The following CDH13 variants were observed in gnomAD, a reference collection of about 807,000 sequenced individuals.
CDH13 encodes cadherin-13.
In CDH13, 24 loss-of-function variants were observed where a neutral mutation model predicts 63.8. The observed-to-expected ratio is 0.38, with a 90% confidence interval of 0.27 to 0.53. The LOEUF (loss-of-function observed/expected upper bound fraction) is 0.53, where lower values mean the gene tolerates loss of function less well. CDH13 is among the 20% of genes least tolerant of loss of function. The pLI is 0.85. For missense variants in CDH13, 1,049 were observed against 903.1 expected, an observed-to-expected ratio of 1.16 and a Z score of -2.07; for synonymous variants, 503 against 355.3, an observed-to-expected ratio of 1.42 and a Z score of -4.67.
chr16:83,117,591 C>T (rs1260718353), intron 3 of CDH13, among the ~76,000 whole-genome samples: 1 of 152,122 alleles, frequency 6.6e-6, no homozygotes, highest in Non-Finnish European at 1.5e-5. Flanking sequence ...TTCTTTTAGG[C>T]ACTGCACCAT....
At chr16:82,972,294 C>G (rs769508230) in intron 2 of CDH13, among the ~76,000 whole-genome samples, 173 of 152,110 alleles carry the variant, frequency 1.1e-3, no homozygotes, top group Non-Finnish European at 2.1e-3. Context: ...AGTGGAGAGT[C>G]TGGGTGTGAG....
intron 10 of CDH13, among the ~76,000 whole-genome samples, chr16:83,745,279 G>C (rs888181846): frequency 2.0e-5 from 3 of 152,222 alleles, no homozygotes; most frequent in Non-Finnish European, 2.9e-5. Flanking sequence ...TCCTTCTGCA[G>C]TTTGGGGGTC....
chr16:82,952,765 C>G (rs1327322951), intron 2 of CDH13, among the ~76,000 whole-genome samples: 12 of 152,230 alleles, frequency 7.9e-5, no homozygotes, highest in Admixed American at 2.6e-4. Flanking sequence ...ATTCTCTACT[C>G]TCTGGTGCCA....
intron 1 of CDH13, among the ~76,000 whole-genome samples, chr16:82,637,160 G>A (rs1017891478): frequency 4.6e-5 from 7 of 152,166 alleles, no homozygotes; most frequent in African/African-American, 1.7e-4. Flanking sequence ...ATTGGGCCCT[G>A]TAAAAATACT....
intron 7 of CDH13, among the ~76,000 whole-genome samples, chr16:83,572,208 G>GTGTT (rs1904702616): frequency 7.1e-6 from 1 of 140,342 alleles, no homozygotes; most frequent in African/African-American, 2.9e-5. Flanking sequence ...GTGTGTGTGT[G>GTGTT]TGAGTTTCAC....
At chr16:83,397,742 C>T (rs117595306) in intron 6 of CDH13, among the ~76,000 whole-genome samples, 1 of 152,178 alleles carries the variant, frequency 6.6e-6, no homozygotes. Context: ...ATCTCCTTGT[C>T]CTGTTTCTCC....
intron 7 of CDH13, among the ~76,000 whole-genome samples, chr16:83,545,590 G>A (rs905575035): frequency 6.6e-6 from 1 of 152,080 alleles, no homozygotes; most frequent in Non-Finnish European, 1.5e-5. Flanking sequence ...TTGTTGCAGT[G>A]ATGGAATTAA....
chr16:83,635,332 C>CTTTTTTTTT (rs71148847), intron 8 of CDH13, among the ~76,000 whole-genome samples: 41 of 46,730 alleles, frequency 8.8e-4, no homozygotes, highest in Non-Finnish European at 1.1e-3. Flanking sequence ...CATTTTCTTT[C>CTTTTTTTTT]TTTTTTTTTT....
intron 5 of CDH13, among the ~76,000 whole-genome samples, chr16:83,228,382 A>G (rs973043017): frequency 2.6e-5 from 4 of 152,178 alleles, no homozygotes; most frequent in African/African-American, 9.6e-5. Context: ...TTGTTTGCTC[A>G]GTATTCATCA....
chr16:82,877,011 A>G (rs2040528430), intron 2 of CDH13, among the ~76,000 whole-genome samples: 1 of 152,250 alleles, frequency 6.6e-6, no homozygotes, highest in Non-Finnish European at 1.5e-5. Context: ...AAAGTAGAAG[A>G]TAACTGGTGT....
intron 10 of CDH13, among the ~76,000 whole-genome samples, chr16:83,683,178 G>A (rs1287721583): frequency 6.6e-6 from 1 of 152,172 alleles, no homozygotes; most frequent in African/African-American, 2.4e-5. Flanking sequence ...TAAAAAGCCT[G>A]GGTTATTAAG....
At chr16:83,176,048 C>G (rs564488591) in intron 4 of CDH13, among the ~76,000 whole-genome samples, 9 of 149,850 alleles carry the variant, frequency 6.0e-5, no homozygotes, top group Non-Finnish European at 1.2e-4. Flanking sequence ...CGGGGTTTCT[C>G]CATGTAGGTC....
chr16:83,362,001 G>T (rs2091171219), intron 6 of CDH13, among the ~76,000 whole-genome samples: 1 of 152,086 alleles, frequency 6.6e-6, no homozygotes, highest in Non-Finnish European at 1.5e-5. Context: ...TGAATTCATA[G>T]GGAGCTTTGG....
intron 1 of CDH13, among the ~76,000 whole-genome samples, chr16:82,634,080 G>C (rs1908354683): frequency 1.3e-5 from 2 of 152,218 alleles, no homozygotes; most frequent in Admixed American, 6.5e-5. Flanking sequence ...TGCTGCAGAG[G>C]CACAAAGACC....
chr16:83,296,963 C>G (rs1345078993), intron 5 of CDH13, among the ~76,000 whole-genome samples: 1 of 152,068 alleles, frequency 6.6e-6, no homozygotes, highest in East Asian at 1.9e-4. Context: ...TGGGGACTTT[C>G]TAAATAGAGG....
intron 3 of CDH13, among the ~76,000 whole-genome samples, chr16:83,109,946 T>A (rs1289357265): frequency 6.6e-6 from 1 of 152,336 alleles, no homozygotes; most frequent in Admixed American, 6.5e-5. Context: ...ATTCGTGAAA[T>A]ATTTCAGAGG....
chr16:82,854,408 A>AAAC (rs2039610099), intron 1 of CDH13, among the ~76,000 whole-genome samples: 1 of 151,608 alleles, frequency 6.6e-6, no homozygotes, highest in South Asian at 2.1e-4. Context: ...CTCAAAAAAA[A>AAAC]AAAAAAAAAC....
intron 4 of CDH13, among the ~76,000 whole-genome samples, chr16:83,199,409 A>G (rs1281244268): frequency 6.6e-6 from 1 of 152,216 alleles, no homozygotes; most frequent in Non-Finnish European, 1.5e-5. Flanking sequence ...GGATGATTTC[A>G]GAGTGTTCTG....
intron 1 of CDH13, among the ~76,000 whole-genome samples, chr16:82,721,109 T>A (rs990316510): frequency 6.6e-6 from 1 of 152,222 alleles, no homozygotes; most frequent in African/African-American, 2.4e-5. Context: ...ATTTATTCAA[T>A]GACCAGTCAT....
Sources: gnomAD v4.1 joint callset for allele counts (sites outside exome capture counted in the v4.1 genomes callset) on GRCh38, gnomAD v4.1.1 for gene constraint, MANE v1.5 for transcripts, NCBI Gene and HGNC (gene_info 2026-07-23, HGNC 2026-07-21) for gene names.